The following SEC14L1 variants were observed in gnomAD, a reference collection of about 807,000 sequenced individuals.
SEC14L1 encodes SEC14 like lipid binding 1.
Under a neutral mutation model 85.3 loss-of-function variants are expected in SEC14L1, and 48 were observed. That is an observed-to-expected ratio of 0.56 (90% confidence interval 0.45 to 0.72). The LOEUF (loss-of-function observed/expected upper bound fraction) is 0.72, where lower values mean the gene tolerates loss of function less well. Among genes scored for constraint, SEC14L1 ranks in the 30% least tolerant of loss-of-function variants. SEC14L1 has a pLI of 0.00. For synonymous variants in SEC14L1, 391 were observed against 355.5 expected (o/e 1.10, Z -1.12); for missense variants, 682 against 921.4 (o/e 0.74, Z 3.36).
chr17:77,098,723 C>T (rs1971703099), intron 3 of SEC14L1, among the ~76,000 whole-genome samples: 1 of 152,120 alleles, frequency 6.6e-6, no homozygotes, highest in Admixed American at 6.6e-5. Context: ...CTGGATCTGT[C>T]CTCTCCTAGT....
At chr17:77,175,758 A>G (rs1974724830) in intron 3 of SEC14L1, among the ~76,000 whole-genome samples, 1 of 152,238 alleles carries the variant, frequency 6.6e-6, no homozygotes, top group Non-Finnish European at 1.5e-5. Flanking sequence ...AATATTATCA[A>G]GACTTTTCCT....
chr17:77,169,382 T>C (rs959710755), intron 3 of SEC14L1, among the ~76,000 whole-genome samples: 1 of 152,120 alleles, frequency 6.6e-6, no homozygotes, highest in Non-Finnish European at 1.5e-5. Flanking sequence ...TCTTGCATGC[T>C]CTCTCCCAGG....
intron 5 of SEC14L1, among the ~76,000 whole-genome samples, chr17:77,191,799 AT>A (rs761604582): frequency 2.0e-3 from 257 of 130,078 alleles, no homozygotes; most frequent in Middle Eastern, 5.1e-3. Flanking sequence ...CCTTGGCCTA[AT>A]TTTTTTTTTT....
At chr17:77,133,967 C>A (rs1276666349) in intron 3 of SEC14L1, among the ~76,000 whole-genome samples, 1 of 146,398 alleles carries the variant, frequency 6.8e-6, no homozygotes, top group Non-Finnish European at 1.5e-5. Context: ...GCTCTGGAAG[C>A]GAGGGGCACA....
chr17:77,091,204 C>A (rs1320226318), intron 2 of SEC14L1, among the ~76,000 whole-genome samples: 2 of 152,166 alleles, frequency 1.3e-5, no homozygotes, highest in Non-Finnish European at 1.5e-5. Context: ...TCTCCTGCCT[C>A]AGCCTCCCAA....
intron 3 of SEC14L1, among the ~76,000 whole-genome samples, chr17:77,133,826 C>G (rs904342722): frequency 2.0e-5 from 3 of 150,818 alleles, no homozygotes; most frequent in African/African-American, 7.3e-5. Context: ...GTAGTCCCAG[C>G]TACTCGGGAG....
intron 7 of SEC14L1, 85 bp downstream of exon 7, chr17:77,194,996 C>A: frequency 2.1e-6 from 2 of 967,206 alleles, no homozygotes; most frequent in South Asian, 1.4e-5. Context: ...TGCCTGTTCC[C>A]GCTTCCTTGG....
Position 77,216,386 on chromosome 17 carries a change from AGGTAGGGCTAGTAG to A in SEC14L1, c.*2365_*2378del. ...GGTAGGGCTAGTAGGTAGGGCTAGT[AGGTAGGGCTAGTAG>A]GTAGGGTTCGTAGGTAGGGTTCGTA... On this transcript the variant is annotated 3_prime_UTR_variant, in exon 17 of 17. Transcript: ENST00000436233. 1 of 975,274 alleles carries A rather than the reference AGGTAGGGCTAGTAG, an allele frequency of 1.0e-6. No homozygotes were observed. The highest frequency in any genetic ancestry group is 1.4e-6 in the Non-Finnish European group (1 of 724,242). The allele number at this position is 975,274 out of a possible 1,614,324, so 60.4% of individuals were successfully genotyped here.
chr17:77,128,367 A>C (rs1315989028), intron 3 of SEC14L1, among the ~76,000 whole-genome samples: 1 of 134,794 alleles, frequency 7.4e-6, no homozygotes, highest in East Asian at 2.0e-4. Context: ...CTTTTAGGAC[A>C]AGTTATGCAT....
intron 3 of SEC14L1, among the ~76,000 whole-genome samples, chr17:77,179,919 C>T (rs970641259): frequency 5.3e-5 from 8 of 152,058 alleles, no homozygotes; most frequent in African/African-American, 1.4e-4. Context: ...CCTTGTGACC[C>T]GCCCGCCTCA....
rs572492145 is a variant in SEC14L1 at position 77,096,735 on chromosome 17, G to C, written c.-136+3388G>C. 2.4e-4 allele frequency among the ~76,000 whole-genome samples: 36 copies of C among 152,212 alleles called. 1 individual carries two copies. Among genetic ancestry groups the C allele is most frequent in the African/African-American group, 8.4e-4 (35 of 41,528 alleles). ...TTGGGTTTTGGGGCTTTTTTGTTCTGTTTTGATTTGTGTAATTTAGCCAAG... is the reference window on the plus strand; with the variant it reads ...TTGGGTTTTGGGGCTTTTTTGTTCTCTTTTGATTTGTGTAATTTAGCCAAG... On this transcript the variant is annotated intron_variant, in intron 3 of 19. Transcript: ENST00000392476.
rs904515302 is a variant in SEC14L1 at position 77,213,616 on chromosome 17, G to C, written c.2042+124G>C. 1.7e-6 allele frequency: 2 copies of C among 1,193,394 alleles called. No individual in the cohort carries two copies. Among genetic ancestry groups the C allele is most frequent in the South Asian group, 2.6e-5 (2 of 77,934 alleles). The allele number at this position is 1,193,394 out of a possible 1,614,324, so 73.9% of individuals were successfully genotyped here. A position where few individuals can be genotyped will look rare whatever the true frequency, so the allele number is the denominator to read the frequency against. On this transcript the variant is annotated intron_variant, in intron 16 of 16. Transcript: ENST00000436233. The surrounding 1 kb of genome is among the most constrained non-coding windows in gnomAD (Gnocchi z 7.1). ...GGTGTCAGGAATGCTTGGAGGGCCA[G>C]GAGGGAGTGGCTTTGGGGTCATTTG... is the stretch of plus-strand genomic sequence containing the variant.
At chr17:77,161,304 T>C (rs760198406) in intron 3 of SEC14L1, among the ~76,000 whole-genome samples, 72 of 152,284 alleles carry the variant, frequency 4.7e-4, no homozygotes, top group Middle Eastern at 3.4e-3. Flanking sequence ...CTGGCCAACA[T>C]GGTGAAACCC....
chr17:77,143,441 G>T, intron 2 of SEC14L1, 126 bp from the exon 3 acceptor site: 1 of 566,024 alleles, frequency 1.8e-6, no homozygotes, highest in South Asian at 2.5e-5. Flanking sequence ...ATTTTTGTGT[G>T]CATAGAATTA....
exon 2 of SEC14L1, chr17:77,089,162 GA>G (rs374993720): frequency 4.9e-5 from 17 of 344,946 alleles, no homozygotes; most frequent in African/African-American, 3.3e-4. Flanking sequence ...GGTTTCAACA[GA>G]AAATGAGAAA....
chr17:77,194,591 G>T, intron 6 of SEC14L1, 86 bp from the exon 7 acceptor site: 2 of 1,000,618 alleles, frequency 2.0e-6, no homozygotes, highest in Non-Finnish European at 3.0e-6. Flanking sequence ...ATCTTCCGTT[G>T]GCTAGAAAAA....
At chr17:77,106,180 G>C (rs1446581018) in intron 3 of SEC14L1, among the ~76,000 whole-genome samples, 1 of 152,058 alleles carries the variant, frequency 6.6e-6, no homozygotes, top group Non-Finnish European at 1.5e-5. Context: ...GATGGCTTGA[G>C]CCCAGGAGTT....
At chr17:77,130,301 T>A (rs1025724115) in intron 3 of SEC14L1, 3 of 152,216 alleles carry the variant, frequency 2.0e-5, no homozygotes, top group Middle Eastern at 6.8e-3. Flanking sequence ...TTTTTATTTA[T>A]TTAATTAATT....
chr17:77,172,928 T>C (rs905828557), intron 3 of SEC14L1, among the ~76,000 whole-genome samples: 1 of 152,224 alleles, frequency 6.6e-6, no homozygotes, highest in Non-Finnish European at 1.5e-5. Context: ...AAGTTTTTGC[T>C]CAGCTGCTGG....
Sources: gnomAD v4.1 joint callset for allele counts (sites outside exome capture counted in the v4.1 genomes callset) on GRCh38, gnomAD v4.1.1 for gene constraint, Gnocchi (gnomAD v3.1) non-coding constraint, MANE v1.5 for transcripts, NCBI Gene and HGNC (gene_info 2026-07-23, HGNC 2026-07-21) for gene names.